The following SGMS1 variants were observed in gnomAD, a reference collection of about 807,000 sequenced individuals.
SGMS1 encodes sphingomyelin synthase 1.
In SGMS1, 13 loss-of-function variants were observed where a neutral mutation model predicts 46.2. That is an observed-to-expected ratio of 0.28 (90% CI 0.18 to 0.45). The LOEUF (loss-of-function observed/expected upper bound fraction) is 0.45. Among genes scored for constraint, SGMS1 ranks in the 20% least tolerant of loss-of-function variants. SGMS1 has a pLI of 1.00. For missense variants in SGMS1, 324 were observed against 519.9 expected (o/e 0.62, Z 3.66); for synonymous variants, 203 against 187.8 (o/e 1.08, Z -0.66).
intron 2 of SGMS1, among the ~76,000 whole-genome samples, chr10:50,571,431 C>A (rs1838335390): frequency 6.6e-6 from 1 of 152,138 alleles, no homozygotes; most frequent in African/African-American, 2.4e-5. Context: ...AAATTGGAAT[C>A]GGGATACAAT....
intron 6 of SGMS1, among the ~76,000 whole-genome samples, chr10:50,348,732 C>T (rs1477868989): frequency 6.6e-6 from 1 of 152,106 alleles, no homozygotes; most frequent in African/African-American, 2.4e-5. Flanking sequence ...ATGAAAATGG[C>T]CATACTGCCC....
chr10:50,542,644 CAT>C (rs1838064094), intron 2 of SGMS1, among the ~76,000 whole-genome samples: 2 of 6,522 alleles, frequency 3.1e-4, no homozygotes, highest in South Asian at 7.7e-3. Context: ...CACACACACA[CAT>C]GCACACACAC....
chr10:50,585,479 A>G (rs752767480), intron 2 of SGMS1, among the ~76,000 whole-genome samples: 19 of 152,256 alleles, frequency 1.2e-4, no homozygotes, highest in Non-Finnish European at 1.9e-4. Context: ...TAATAAAGAT[A>G]GCTGACATAA....
intron 5 of SGMS1, among the ~76,000 whole-genome samples, chr10:50,451,109 T>C (rs2133661058): frequency 6.6e-6 from 1 of 152,272 alleles, no homozygotes; most frequent in East Asian, 1.9e-4. Flanking sequence ...AAAATGATTT[T>C]TAATGGCTAA....
intron 6 of SGMS1, among the ~76,000 whole-genome samples, chr10:50,389,112 A>G (rs553828914): frequency 2.0e-4 from 30 of 152,300 alleles, no homozygotes; most frequent in African/African-American, 6.3e-4. Context: ...TTAAATATAT[A>G]CAATGAAATT....
chr10:50,494,112 T>C (rs897311246), intron 3 of SGMS1, among the ~76,000 whole-genome samples: 1 of 152,108 alleles, frequency 6.6e-6, no homozygotes, highest in Admixed American at 6.5e-5. Flanking sequence ...TGGCTATTAT[T>C]AAAAAGTCAA....
intron 6 of SGMS1, among the ~76,000 whole-genome samples, chr10:50,431,137 GAC>G (rs1189959619): frequency 6.6e-6 from 1 of 152,086 alleles, no homozygotes; most frequent in Non-Finnish European, 1.5e-5. Flanking sequence ...AAAGTACAAA[GAC>G]ACACTTATTT....
At chr10:50,453,562 G>A (rs1375364725) in intron 5 of SGMS1, among the ~76,000 whole-genome samples, 1 of 151,150 alleles carries the variant, frequency 6.6e-6, no homozygotes, top group Non-Finnish European at 1.5e-5. Flanking sequence ...ACATAAAGAA[G>A]ATGATATCAA....
In SGMS1 at chr10:50,363,258, G is replaced by A. The variant is rs189832449; in HGVS notation, c.-231-18913C>T. ...ACAGAAGAGGAGAAAACAGGGACAC[G>A]ATTTCGGAAGTTGGGAAGCACATGA... On this transcript the variant is annotated intron_variant, in intron 6 of 10. Coordinates refer to ENST00000361781, the MANE Select transcript of SGMS1 (RefSeq NM_147156.4). Among the ~76,000 whole-genome samples, 10 of 152,322 alleles carry A rather than the reference G, an allele frequency of 6.6e-5. No individual in the cohort carries two copies. In the East Asian group the frequency reaches 1.9e-3, roughly 29 times the overall value.
intron 6 of SGMS1, among the ~76,000 whole-genome samples, chr10:50,364,850 A>C (rs1589408028): frequency 6.6e-6 from 1 of 152,332 alleles, no homozygotes; most frequent in East Asian, 1.9e-4. Context: ...AGTAGTAGTT[A>C]CAAATTCTTG....
upstream of SGMS1, chr10:50,624,482 T>G (rs1471511263): frequency 1.6e-6 from 1 of 615,122 alleles, no homozygotes; most frequent in African/African-American, 2.0e-5. Context: ...CTCTCATCTT[T>G]CTCCCACAAC....
intron 8 of SGMS1, among the ~76,000 whole-genome samples, chr10:50,320,495 A>T (rs1847423472): frequency 6.6e-6 from 1 of 152,142 alleles, no homozygotes; most frequent in Non-Finnish European, 1.5e-5. Context: ...TACTATCTCT[A>T]TCAATGGAGA....
intron 5 of SGMS1, among the ~76,000 whole-genome samples, chr10:50,440,276 AT>A (rs1049619712): frequency 9.3e-5 from 13 of 139,144 alleles, no homozygotes; most frequent in African/African-American, 3.8e-4. Context: ...AAATTAAAAA[AT>A]ATATATATAT....
At chr10:50,376,772 T>C (rs547900484) in intron 6 of SGMS1, among the ~76,000 whole-genome samples, 2 of 152,330 alleles carry the variant, frequency 1.3e-5, no homozygotes, top group East Asian at 1.9e-4. Context: ...TCATCTTTTC[T>C]TGTGGCTGCA....
intron 6 of SGMS1, among the ~76,000 whole-genome samples, chr10:50,381,922 T>C (rs1318569548): frequency 1.3e-5 from 2 of 152,200 alleles, no homozygotes; most frequent in African/African-American, 4.8e-5. Flanking sequence ...CGTCAGTATC[T>C]TTTTGCTGCC....
intron 2 of SGMS1, among the ~76,000 whole-genome samples, chr10:50,527,133 C>A (rs1401469232): frequency 6.6e-6 from 1 of 150,794 alleles, no homozygotes; most frequent in Non-Finnish European, 1.5e-5. Context: ...TTCAACCATG[C>A]AGCTCATCCA....
intron 6 of SGMS1, among the ~76,000 whole-genome samples, chr10:50,360,206 A>G (rs1226444128): frequency 6.6e-6 from 1 of 152,208 alleles, no homozygotes; most frequent in Admixed American, 6.5e-5. Context: ...CCCAAGACAT[A>G]ATGGTCCAGG....
chr10:50,461,140 A>G (rs140551920), intron 4 of SGMS1, among the ~76,000 whole-genome samples: 22 of 152,296 alleles, frequency 1.4e-4, no homozygotes, highest in African/African-American at 4.6e-4. Context: ...TTTATCTACT[A>G]TTTTTAGTTG....
At chr10:50,341,469 A>T (rs1294801567) in intron 7 of SGMS1, 2 of 455,884 alleles carry the variant, frequency 4.4e-6, no homozygotes, top group Non-Finnish European at 8.8e-6. Context: ...GAGAGGACTT[A>T]GTTGGATGCA....
Sources: allele counts gnomAD v4.1 joint callset (sites outside exome capture counted in the v4.1 genomes callset), GRCh38; gene constraint gnomAD v4.1.1; transcripts MANE v1.5; gene names NCBI Gene and HGNC (gene_info 2026-07-23, HGNC 2026-07-21).